RBFOX1: variants seen among roughly 807,000 people sequenced by gnomAD.
RBFOX1 encodes RNA binding fox-1 homolog 1.
A neutral mutation model predicts 57.7 loss-of-function variants in RBFOX1; 8 were observed. That is an observed-to-expected ratio of 0.14 (90% CI 0.08 to 0.25). The LOEUF is 0.25. RBFOX1 is among the 10% of genes least tolerant of loss of function. The pLI is 1.00. For synonymous variants in RBFOX1, 326 were observed against 222.4 expected (o/e 1.47, Z -4.15); for missense variants, 611 against 548.5 (o/e 1.11, Z -1.14).
At chr16:5,600,779 G>C (rs921165947), downstream of RBFOX1, among the ~76,000 whole-genome samples, 2 of 152,176 alleles carry the variant, frequency 1.3e-5, no homozygotes, top group Non-Finnish European at 2.9e-5. Context: ...AGAGGAAGAA[G>C]AGGAAAGGGA....
At chr16:7,151,291 C>T (rs2076061792) in intron 4 of RBFOX1, among the ~76,000 whole-genome samples, 1 of 152,174 alleles carries the variant, frequency 6.6e-6, no homozygotes, top group Non-Finnish European at 1.5e-5. Flanking sequence ...GTTCTGATTA[C>T]AGTCAACAGA....
chr16:5,972,573 A>T (rs1173204453), intron 4 of RBFOX1, among the ~76,000 whole-genome samples: 1 of 152,222 alleles, frequency 6.6e-6, no homozygotes, highest in African/African-American at 2.4e-5. Context: ...GTGATGGGAA[A>T]ACAGGGATGA....
intron 4 of RBFOX1, among the ~76,000 whole-genome samples, chr16:7,073,675 C>A (rs1434479158): frequency 6.6e-6 from 1 of 151,862 alleles, no homozygotes; most frequent in African/African-American, 2.4e-5. Flanking sequence ...AAAACCCCTT[C>A]TCTACAAAAT....
chr16:5,524,077 G>T (rs1358940661), intron 2 of RBFOX1, among the ~76,000 whole-genome samples: 2 of 152,216 alleles, frequency 1.3e-5, no homozygotes, highest in Non-Finnish European at 2.9e-5. Context: ...TTGTGGTTGA[G>T]AAAGTGTCAG....
In RBFOX1 at chr16:6,485,413, T is replaced by C. The variant is rs1465465619; in HGVS notation, c.-64+168356T>C. ...TTCTTCCTCCTTATCCCATTTTTTTTCATCTACGTGTATTTCTTTCCATCT... is the reference window on the plus strand; with the variant it reads ...TTCTTCCTCCTTATCCCATTTTTTTCCATCTACGTGTATTTCTTTCCATCT... On this transcript the variant is annotated intron_variant, in intron 2 of 15. Coordinates refer to ENST00000550418, the MANE Select transcript of RBFOX1 (RefSeq NM_018723.4). 3.9e-5 allele frequency among the ~76,000 whole-genome samples: 6 copies of C among 152,170 alleles called. No individual in the cohort carries two copies. The East Asian group carries it at 1.2e-3, about 29-fold the overall frequency.
At chr16:5,759,295 T>G (rs2053509245) in intron 3 of RBFOX1, among the ~76,000 whole-genome samples, 1 of 152,214 alleles carries the variant, frequency 6.6e-6, no homozygotes, top group African/African-American at 2.4e-5. Flanking sequence ...GTACACATGC[T>G]GTTTGCCCAT....
At chr16:7,121,183 C>G (rs2067100100) in intron 4 of RBFOX1, among the ~76,000 whole-genome samples, 1 of 152,028 alleles carries the variant, frequency 6.6e-6, no homozygotes, top group South Asian at 2.1e-4. Flanking sequence ...AAAGTGACTG[C>G]TATCTCCATT....
chr16:5,434,565 G>A (rs1300625554), intron 1 of RBFOX1, among the ~76,000 whole-genome samples: 2 of 151,790 alleles, frequency 1.3e-5, no homozygotes, highest in African/African-American at 2.4e-5. Flanking sequence ...TGATCTGCCC[G>A]ACACAGCCTA....
chr16:6,922,080 C>A (rs1352540504), intron 3 of RBFOX1, among the ~76,000 whole-genome samples: 1 of 152,120 alleles, frequency 6.6e-6, no homozygotes, highest in African/African-American at 2.4e-5. Flanking sequence ...TTAATCACTG[C>A]CCAGATTTTA....
chr16:7,427,130 G>A (rs74516634), intron 4 of RBFOX1, among the ~76,000 whole-genome samples: 3 of 152,102 alleles, frequency 2.0e-5, no homozygotes, highest in South Asian at 2.1e-4. Flanking sequence ...TGGGGGGAGC[G>A]GAGAGGGATA....
chr16:6,998,841 TTTC>T (rs1357295702), intron 3 of RBFOX1, among the ~76,000 whole-genome samples: 1 of 151,874 alleles, frequency 6.6e-6, no homozygotes, highest in Non-Finnish European at 1.5e-5. Context: ...TGGAGTCATG[TTTC>T]TTCTTTTTTT....
At chr16:6,102,060 G>A (rs1005725742) in intron 1 of RBFOX1, among the ~76,000 whole-genome samples, 1 of 151,334 alleles carries the variant, frequency 6.6e-6, no homozygotes, top group Non-Finnish European at 1.5e-5. Flanking sequence ...GCTGCATTTT[G>A]TTTCCTATGT....
chr16:7,630,599 G>T lies in RBFOX1; in HGVS notation c.677-4G>T, dbSNP rs759738790. The T allele has an allele frequency of 6.2e-7, 1 of 1,613,906 alleles. No individual in the cohort carries two copies. Among genetic ancestry groups the T allele is most frequent in the Middle Eastern group, 1.7e-4 (1 of 6,060 alleles). ...CAGATACCATCTCTCTCTCTCTTTC[G>T]TAGGCACGGTCCTGTTGTGCCAGGC... On this transcript the variant is annotated splice_polypyrimidine_tract_variant and splice_region_variant and intron_variant, in intron 10 of 15. Coordinates refer to ENST00000550418, the MANE Select transcript of RBFOX1 (RefSeq NM_018723.4).
intron 4 of RBFOX1, among the ~76,000 whole-genome samples, chr16:7,375,461 G>GA (rs2097668103): frequency 2.0e-5 from 3 of 151,840 alleles, no homozygotes; most frequent in African/African-American, 7.3e-5. Context: ...AGGAAAGAGA[G>GA]ACCTGCATTG....
At chr16:6,811,572 T>A (rs555782463) in intron 3 of RBFOX1, among the ~76,000 whole-genome samples, 3 of 152,176 alleles carry the variant, frequency 2.0e-5, no homozygotes, top group Non-Finnish European at 2.9e-5. Flanking sequence ...TTGGGAAGAT[T>A]AGCAACCTGG....
chr16:7,691,202 G>T lies in RBFOX1; in HGVS notation c.995+14364G>T, dbSNP rs192138832. 1.7e-3 allele frequency among the ~76,000 whole-genome samples: 220 copies of T among 131,142 alleles called. 1 individual carries two copies. The highest frequency in any genetic ancestry group is 5.7e-3 in the African/African-American group (219 of 38,220). 86.0% of individuals were successfully genotyped at this position (131,142 alleles called of 152,430 possible). On this transcript the variant is annotated intron_variant, in intron 14 of 15. Coordinates refer to ENST00000550418, the MANE Select transcript of RBFOX1 (RefSeq NM_018723.4). ...TCCTTTTAAATGTCACTATTATTGA[G>T]AACTCTGCCTTGAAACAGATGTGAA...
At chr16:7,201,810 C>T (rs1204834759) in intron 4 of RBFOX1, among the ~76,000 whole-genome samples, 4 of 152,066 alleles carry the variant, frequency 2.6e-5, no homozygotes, top group South Asian at 2.1e-4. Context: ...AGAGAATGGG[C>T]ACGGCAAGCG....
At chr16:5,937,009 A>C (rs2059181322) in intron 4 of RBFOX1, among the ~76,000 whole-genome samples, 1 of 152,142 alleles carries the variant, frequency 6.6e-6, no homozygotes, top group African/African-American at 2.4e-5. Flanking sequence ...TTTACTCAAT[A>C]TCTCTGAGCC....
At chr16:7,361,796 A>G (rs2097327093) in intron 4 of RBFOX1, among the ~76,000 whole-genome samples, 1 of 152,032 alleles carries the variant, frequency 6.6e-6, no homozygotes, top group Non-Finnish European at 1.5e-5. Flanking sequence ...GTTTGTGTGT[A>G]TGCCAGTGTG....
Sources: gnomAD v4.1 joint callset for allele counts (sites outside exome capture counted in the v4.1 genomes callset) on GRCh38, gnomAD v4.1.1 for gene constraint, MANE v1.5 for transcripts, NCBI Gene and HGNC (gene_info 2026-07-23, HGNC 2026-07-21) for gene names.